The following LRP4 variants were observed in gnomAD, a reference collection of about 807,000 sequenced individuals.
LRP4 encodes LDL receptor related protein 4.
Under a neutral mutation model 220.3 loss-of-function variants are expected in LRP4, and 95 were observed. The observed-to-expected ratio is 0.43, with a 90% CI of 0.37 to 0.51. LRP4 has a LOEUF of 0.51. Ranked by LOEUF, LRP4 falls within the 20% of genes least tolerant of loss-of-function variation. LRP4 has a pLI of 0.00. For missense variants in LRP4, 1,925 were observed against 2,567.0 expected (o/e 0.75, Z 5.40); for synonymous variants, 903 against 954.6 (o/e 0.95, Z 1.00).
chr11:46,905,054 G>T (rs1267891414), intron 1 of LRP4, among the ~76,000 whole-genome samples: 1 of 150,110 alleles, frequency 6.7e-6, no homozygotes, highest in African/African-American at 2.4e-5. Context: ...GAGGTGCAGT[G>T]TCTCTAGACC....
At chr11:46,904,255 CCTATA>C (rs1327652454) in intron 1 of LRP4, among the ~76,000 whole-genome samples, 2 of 152,194 alleles carry the variant, frequency 1.3e-5, no homozygotes, top group Non-Finnish European at 2.9e-5. Flanking sequence ...CACCCCTCTT[CCTATA>C]CTCTGTACCT....
Position 46,896,789 on chromosome 11 carries a change from A to G in LRP4, c.922+80T>C, listed in dbSNP as rs1430769771. The G allele has an allele frequency of 6.9e-6, 11 of 1,605,660 alleles. No individual in the cohort carries two copies. The East Asian group carries it at 1.8e-4, about 26-fold the overall frequency. On this transcript the variant is annotated intron_variant, in intron 8 of 37. Transcript: ENST00000378623. ...CTGGTAAAACCTCAACCCAACTGGAAAGATACCAAAGCACCCTCTTTTCCA... is the reference window on the plus strand; with the variant it reads ...CTGGTAAAACCTCAACCCAACTGGAGAGATACCAAAGCACCCTCTTTTCCA...
chr11:46,859,766 A>T (rs1327651033), intron 37 of LRP4, among the ~76,000 whole-genome samples: 2 of 152,222 alleles, frequency 1.3e-5, no homozygotes, highest in Non-Finnish European at 2.9e-5. Flanking sequence ...TTACATTGTT[A>T]CTGTGGTTTA....
At chr11:46,872,398 G>C (rs913286582) in intron 30 of LRP4, among the ~76,000 whole-genome samples, 4 of 152,122 alleles carry the variant, frequency 2.6e-5, no homozygotes, top group Non-Finnish European at 5.9e-5. Flanking sequence ...GACTGCTTTA[G>C]AGCCCCTTCC....
At chr11:46,859,466 G>A (rs1288993229) in intron 37 of LRP4, 151 bp from the exon 38 acceptor site, 2 of 704,678 alleles carry the variant, frequency 2.8e-6, no homozygotes, top group African/African-American at 1.7e-5. Flanking sequence ...TAAGACAAGT[G>A]TATGAGGCCT....
chr11:46,888,139 T>C (rs951371742), intron 16 of LRP4, among the ~76,000 whole-genome samples: 9 of 147,794 alleles, frequency 6.1e-5, no homozygotes, highest in Non-Finnish European at 8.9e-5. Context: ...CTGACCAACA[T>C]GGTGAAACCT....
Position 46,901,738 on chromosome 11 carries a change from G to GA in LRP4, c.199+1044_199+1045insT, listed in dbSNP as rs1555174849. Among the ~76,000 whole-genome samples, 771 of 145,700 alleles carry GA rather than the reference G, an allele frequency of 5.3e-3. 9 individuals carry two copies. The highest frequency in any genetic ancestry group is 0.018 in the African/African-American group (739 of 39,996). Reference sequence around the variant, plus strand: ...AAAGGGAGACTTAAGGAAAATATAAGTTTTTTTTTTTTTAGACGGAGTCTC... The same window carrying GA: ...AAAGGGAGACTTAAGGAAAATATAAGATTTTTTTTTTTTTAGACGGAGTCTC... On this transcript the variant is annotated intron_variant, in intron 2 of 37. Transcript: ENST00000378623.
intron 1 of LRP4, among the ~76,000 whole-genome samples, chr11:46,906,324 C>T (rs781494666): frequency 2.0e-5 from 3 of 151,740 alleles, no homozygotes; most frequent in Non-Finnish European, 2.9e-5. Context: ...GGCGTGGTGG[C>T]GCACGCCTGT....
At position 46,862,645 on chromosome 11, in the gene LRP4, G is replaced by C. The variant is rs759701000; in HGVS notation, c.5346C>G (p.Pro1782=). The C allele has an allele frequency of 3.8e-5, 62 of 1,613,892 alleles. No homozygotes were observed. Among genetic ancestry groups the C allele is most frequent in the Non-Finnish European group, 5.3e-5 (62 of 1,179,968 alleles). Residue 1782 remains proline, a synonymous_variant, in exon 37 of 38, where the codon CCC becomes CCG. Coordinates refer to ENST00000378623, the MANE Select transcript of LRP4 (RefSeq NM_002334.4). The part of the protein sequence containing the change: ...STQEVKIEAI[P]KPAMYNQLCY... ...ACAGCTGGTTGTACATGGCTGGTTTGGGGATTGCTTCAATCTTCACTTCCT... is the reference window on the plus strand; with the variant it reads ...ACAGCTGGTTGTACATGGCTGGTTTCGGGATTGCTTCAATCTTCACTTCCT...
intron 3 of LRP4, 135 bp downstream of exon 3, chr11:46,900,126 TC>T: frequency 3.1e-6 from 3 of 959,976 alleles, no homozygotes; most frequent in Non-Finnish European, 5.1e-6. Context: ...TTATCTGACT[TC>T]GAGAGGAAGT....
intron 31 of LRP4, among the ~76,000 whole-genome samples, chr11:46,869,629 A>AT (rs1372315734): frequency 6.6e-6 from 1 of 152,200 alleles, no homozygotes; most frequent in African/African-American, 2.4e-5. Context: ...TTCTAAAGCA[A>AT]TGATGGTGAA....
intron 19 of LRP4, among the ~76,000 whole-genome samples, chr11:46,883,147 A>T (rs1431452282): frequency 6.6e-6 from 1 of 152,062 alleles, no homozygotes; most frequent in African/African-American, 2.4e-5. Flanking sequence ...AACCAACAAT[A>T]AAAAAAAGAT....
intron 36 of LRP4, among the ~76,000 whole-genome samples, chr11:46,863,118 T>C (rs1328397185): frequency 1.3e-5 from 2 of 152,108 alleles, no homozygotes; most frequent in Non-Finnish European, 2.9e-5. Context: ...GCCAACAGCC[T>C]ATGAGGAGCT....
intron 31 of LRP4, 121 bp from the exon 32 acceptor site, chr11:46,869,253 C>T: frequency 1.1e-6 from 1 of 928,748 alleles, no homozygotes; most frequent in Non-Finnish European, 1.7e-6. Flanking sequence ...TTCATCTCTT[C>T]CTCATTTCTG....
chr11:46,911,239 C>T (rs904899620), intron 1 of LRP4, among the ~76,000 whole-genome samples: 1 of 152,076 alleles, frequency 6.6e-6, no homozygotes, highest in African/African-American at 2.4e-5. Context: ...TCTCTCTCAA[C>T]CTAGTAATGT....
chr11:46,876,081 A>AT, intron 25 of LRP4, 115 bp from the exon 26 acceptor site: 1 of 1,231,356 alleles, frequency 8.1e-7, no homozygotes, highest in Admixed American at 1.9e-5. Context: ...GTCAGGCAAA[A>AT]TTTTTGCTTG....
At chr11:46,869,560 T>C (rs145545202) in intron 31 of LRP4, among the ~76,000 whole-genome samples, 1 of 152,322 alleles carries the variant, frequency 6.6e-6, no homozygotes, top group Non-Finnish European at 1.5e-5. Context: ...CCTGTTCCTC[T>C]GGGCCCTTTG....
chr11:46,895,763 G>T (rs1941514710), intron 10 of LRP4, 121 bp downstream of exon 10: 1 of 1,385,928 alleles, frequency 7.2e-7, no homozygotes, highest in Non-Finnish European at 1.0e-6. Flanking sequence ...ACCTCCTAGG[G>T]TTATTGTGAG....
chr11:46,879,836 C>A (rs184263294), intron 20 of LRP4, among the ~76,000 whole-genome samples: 6 of 152,278 alleles, frequency 3.9e-5, no homozygotes, highest in Non-Finnish European at 5.9e-5. Flanking sequence ...CTGGCCTTTA[C>A]TCTTTAAAAA....
Sources: allele counts gnomAD v4.1 joint callset (sites outside exome capture counted in the v4.1 genomes callset), GRCh38; gene constraint gnomAD v4.1.1; transcripts MANE v1.5; gene names NCBI Gene and HGNC (gene_info 2026-07-23, HGNC 2026-07-21).